Variants in SPG11 observed in about 807,000 individuals in gnomAD.
The protein encoded by SPG11 is SPG11 vesicle trafficking associated, spatacsin, also known as spatacsin.
Under a neutral mutation model 274.0 loss-of-function variants are expected in SPG11, and 222 were observed. The ratio of observed to expected loss-of-function variants is 0.81; its 90% confidence interval spans 0.73 to 0.91. SPG11 has a LOEUF of 0.91. SPG11 is among the 40% of genes least tolerant of loss of function. SPG11 has a pLI of 0.00. For missense variants in SPG11, 3,114 were observed against 2,872.7 expected (o/e 1.08, Z -1.92); for synonymous variants, 1,144 against 1,039.7 (o/e 1.10, Z -1.93).
chr15:44,649,042 AATTAG>A (rs754794195), intron 6 of SPG11, 31 bp from the exon 7 acceptor site: 2 of 1,559,928 alleles, frequency 1.3e-6, no homozygotes, highest in Non-Finnish European at 1.8e-6. Context: ...AGCTTTAACA[AATTAG>A]ATTAGATTTT....
chr15:44,663,055 G>A (rs1566837740), intron 1 of SPG11, among the ~76,000 whole-genome samples: 2 of 152,250 alleles, frequency 1.3e-5, no homozygotes, highest in African/African-American at 4.8e-5. Context: ...TCGACCCTGT[G>A]ACAGTTAATC....
intron 28 of SPG11, among the ~76,000 whole-genome samples, chr15:44,586,536 C>T (rs1393888077): frequency 2.0e-5 from 3 of 151,856 alleles, no homozygotes. Flanking sequence ...CCCAGCTACT[C>T]GAGAGGCTGA....
Position 44,582,259 on chromosome 15 carries a change from A to T in SPG11, c.5866+1555T>A, listed in dbSNP as rs896942110. Among the ~76,000 whole-genome samples, 4 of 152,172 alleles carry T rather than the reference A, an allele frequency of 2.6e-5. 1 individual carries two copies. The highest frequency in any genetic ancestry group is 1.3e-4 in the Admixed American group (2 of 15,266). On this transcript the variant is annotated intron_variant, in intron 30 of 39. Coordinates refer to ENST00000261866, the MANE Select transcript of SPG11 (RefSeq NM_025137.4). ...CCTTGATACAAAAACCAAACAGTAT[A>T]AAAAAAGGCCGGGCACGGTGGCTCA...
intron 2 of SPG11, among the ~76,000 whole-genome samples, chr15:44,659,929 C>T (rs991412120): frequency 1.3e-5 from 2 of 152,074 alleles, no homozygotes; most frequent in Non-Finnish European, 2.9e-5. Flanking sequence ...GGCGTGGCGG[C>T]GGGCGCCTGT....
At chr15:44,595,862 C>T (rs1193823660) in intron 25 of SPG11, among the ~76,000 whole-genome samples, 2 of 152,314 alleles carry the variant, frequency 1.3e-5, no homozygotes, top group East Asian at 3.9e-4. Flanking sequence ...GAAACCAAGG[C>T]TCTGATCACT....
chr15:44,576,134 C>A (rs2140933577), intron 30 of SPG11, among the ~76,000 whole-genome samples: 3 of 39,222 alleles, frequency 7.6e-5, no homozygotes, highest in Admixed American at 4.0e-4. Context: ...AAGAATGAAA[C>A]TCCATCTCAA....
chr15:44,646,657 C>T lies in SPG11; in HGVS notation c.1602+2209G>A, dbSNP rs547363585. 1.3e-4 allele frequency among the ~76,000 whole-genome samples: 20 copies of T among 152,236 alleles called. 1 individual carries two copies. The South Asian group carries it at 3.7e-3, about 28-fold the overall frequency. On this transcript the variant is annotated intron_variant, in intron 7 of 39. Coordinates refer to ENST00000261866, the MANE Select transcript of SPG11 (RefSeq NM_025137.4). Reference sequence around the variant, plus strand: ...AATACTATGCAGCCATAAAAAAGAGCGAGGTCATGTCCTTTGCAGCAACAC... The same window carrying T: ...AATACTATGCAGCCATAAAAAAGAGTGAGGTCATGTCCTTTGCAGCAACAC...
chr15:44,623,748 ACTT>A (rs574668243), intron 11 of SPG11, among the ~76,000 whole-genome samples: 55 of 152,180 alleles, frequency 3.6e-4, no homozygotes, highest in African/African-American at 1.3e-3. Context: ...CTAACAGAGT[ACTT>A]TTCTTTTCTT....
chr15:44,662,822 G>A (rs536945657), intron 1 of SPG11, among the ~76,000 whole-genome samples: 176 of 152,310 alleles, frequency 1.2e-3, no homozygotes, highest in Middle Eastern at 3.4e-3. Context: ...TCGCAAGAAA[G>A]AAGTGTCTTA....
chr15:44,588,328 T>A (rs1191431732), intron 28 of SPG11, among the ~76,000 whole-genome samples: 1 of 151,766 alleles, frequency 6.6e-6, no homozygotes, highest in Non-Finnish European at 1.5e-5. Flanking sequence ...CAAGCACAAT[T>A]TTCTCTGAAA....
At chr15:44,655,493 C>G (rs2141117062) in intron 4 of SPG11, among the ~76,000 whole-genome samples, 1 of 152,320 alleles carries the variant, frequency 6.6e-6, no homozygotes, top group East Asian at 1.9e-4. Context: ...CCTTTTCAGA[C>G]AGACTACTCA....
rs376146440 is a variant in SPG11 at position 44,570,491 on chromosome 15, C to T, written c.6477+34G>A. 156 of 1,613,846 alleles carry T rather than the reference C, an allele frequency of 9.7e-5. No homozygotes were observed. In the African/African-American group the frequency reaches 1.7e-3, roughly 18 times the overall value. On this transcript the variant is annotated intron_variant, in intron 34 of 39. Transcript: ENST00000261866. ...TTTCTACTACTCTCAAAGGTTTCCA[C>T]AGGATGGAGACTGGGGTTGAGGGGG... is the stretch of plus-strand genomic sequence containing the variant.
chr15:44,629,445 T>C, intron 8 of SPG11, 57 bp from the exon 9 acceptor site: 9 of 1,515,338 alleles, frequency 5.9e-6, no homozygotes, highest in Non-Finnish European at 5.5e-6. Flanking sequence ...ACAATAAAAT[T>C]AACATATCAA....
At chr15:44,609,858 A>G (rs554266704) in intron 18 of SPG11, among the ~76,000 whole-genome samples, 2 of 148,018 alleles carry the variant, frequency 1.4e-5, no homozygotes, top group South Asian at 4.3e-4. Flanking sequence ...CCACCCAAGT[A>G]GCTGGGACTA....
intron 11 of SPG11, among the ~76,000 whole-genome samples, chr15:44,623,908 G>A (rs547210919): frequency 6.6e-6 from 1 of 152,098 alleles, no homozygotes; most frequent in South Asian, 2.1e-4. Flanking sequence ...TTACAGGCAT[G>A]CATCACCCAC....
intron 2 of SPG11, 111 bp from the exon 3 acceptor site, chr15:44,659,414 T>G (rs2085038157): frequency 1.1e-6 from 1 of 938,652 alleles, no homozygotes; most frequent in Non-Finnish European, 1.7e-6. Context: ...GAACTGGACT[T>G]AGTCTAACTT....
intron 26 of SPG11, among the ~76,000 whole-genome samples, chr15:44,594,362 G>A (rs552671091): frequency 1.3e-5 from 2 of 151,984 alleles, no homozygotes; most frequent in Non-Finnish European, 2.9e-5. Flanking sequence ...GGAGGCGGAG[G>A]TTGCAGTGAG....
At chr15:44,627,912 AGAAT>A (rs550871692) in intron 10 of SPG11, among the ~76,000 whole-genome samples, 18 of 152,290 alleles carry the variant, frequency 1.2e-4, no homozygotes, top group African/African-American at 4.3e-4. Flanking sequence ...TTAAGGTTAC[AGAAT>A]GAATAAGAGA....
chr15:44,574,002 GGC>G (rs1161415919), intron 31 of SPG11, among the ~76,000 whole-genome samples: 1 of 151,932 alleles, frequency 6.6e-6, no homozygotes, highest in Non-Finnish European at 1.5e-5. Flanking sequence ...TTATTTTTTT[GGC>G]GGCAGGGTTG....
Sources: gnomAD v4.1 joint callset for allele counts (sites outside exome capture counted in the v4.1 genomes callset) on GRCh38, gnomAD v4.1.1 for gene constraint, MANE v1.5 for transcripts, NCBI Gene and HGNC (gene_info 2026-07-23, HGNC 2026-07-21) for gene names.